CSMD1: variants seen among roughly 807,000 people sequenced by gnomAD.
CSMD1 encodes CUB and Sushi multiple domains 1, also known as CUB and sushi domain-containing protein 1.
CSMD1 carries 213 observed loss-of-function variants against 417.5 expected under a neutral mutation model. The ratio of observed to expected loss-of-function variants is 0.51; its 90% CI spans 0.46 to 0.57. The LOEUF is 0.57. CSMD1 is among the 20% of genes least tolerant of loss of function. The probability of loss-of-function intolerance (pLI) is 0.00; values close to 1 mark genes in which losing one functional copy is unlikely to be tolerated. For missense variants in CSMD1, 6,923 were observed against 4,529.7 expected (o/e 1.53, Z -15.17); for synonymous variants, 2,862 against 1,736.8 (o/e 1.65, Z -16.11).
intron 1 of CSMD1, among the ~76,000 whole-genome samples, chr8:4,946,624 T>C (rs903142576): frequency 6.6e-6 from 1 of 152,182 alleles, no homozygotes; most frequent in Non-Finnish European, 1.5e-5. Context: ...AGGTACTAAA[T>C]TTATGCCATA....
chr8:3,813,030 G>T (rs11784789), intron 5 of CSMD1, among the ~76,000 whole-genome samples: 1 of 151,196 alleles, frequency 6.6e-6, no homozygotes, highest in Admixed American at 6.6e-5. Context: ...TATTGTGACA[G>T]CATTTAAAAA....
At chr8:3,901,744 C>T (rs1312585326) in intron 5 of CSMD1, among the ~76,000 whole-genome samples, 3 of 152,188 alleles carry the variant, frequency 2.0e-5, no homozygotes, top group African/African-American at 7.2e-5. Flanking sequence ...AGGCTTAACG[C>T]TTTTCGATGT....
intron 3 of CSMD1, among the ~76,000 whole-genome samples, chr8:4,238,399 G>GATATA (rs1802193451): frequency 6.6e-6 from 1 of 152,128 alleles, no homozygotes; most frequent in African/African-American, 2.4e-5. Flanking sequence ...TCCGCCCTGA[G>GATATA]CACACATGGT....
At chr8:3,450,579 T>G (rs184817981) in intron 12 of CSMD1, among the ~76,000 whole-genome samples, 205 of 151,412 alleles carry the variant, frequency 1.4e-3, no homozygotes, top group African/African-American at 4.1e-3. Flanking sequence ...TTTTTTTGTC[T>G]TTGTGATAGT....
intron 2 of CSMD1, among the ~76,000 whole-genome samples, chr8:4,594,349 G>T (rs931122352): frequency 6.6e-6 from 1 of 151,714 alleles, no homozygotes; most frequent in Non-Finnish European, 1.5e-5. Context: ...GAATACAGGC[G>T]CCAGCATGCC....
At chr8:3,261,733 G>A (rs928039561) in intron 26 of CSMD1, among the ~76,000 whole-genome samples, 1 of 152,102 alleles carries the variant, frequency 6.6e-6, no homozygotes, top group Non-Finnish European at 1.5e-5. Context: ...GGTACTGAAT[G>A]AAGAGGCCAG....
intron 3 of CSMD1, among the ~76,000 whole-genome samples, chr8:4,122,805 T>C (rs1183753440): frequency 1.3e-5 from 2 of 152,134 alleles, no homozygotes; most frequent in Non-Finnish European, 2.9e-5. Context: ...AAAAAACAAA[T>C]GATTTAATCT....
At chr8:4,939,124 C>A (rs928078026) in intron 1 of CSMD1, among the ~76,000 whole-genome samples, 1 of 152,134 alleles carries the variant, frequency 6.6e-6, no homozygotes, top group East Asian at 1.9e-4. Flanking sequence ...TTTTGTTGTG[C>A]AGAAGCTTTT....
intron 3 of CSMD1, among the ~76,000 whole-genome samples, chr8:4,256,929 C>A (rs537297544): frequency 1.3e-5 from 2 of 152,298 alleles, no homozygotes; most frequent in South Asian, 4.1e-4. Flanking sequence ...TTTCCTTCCG[C>A]TTTCCCTCCG....
intron 23 of CSMD1, among the ~76,000 whole-genome samples, chr8:3,330,433 A>G (rs538915954): frequency 6.6e-6 from 1 of 152,336 alleles, no homozygotes; most frequent in African/African-American, 2.4e-5. Context: ...GAATGAGATC[A>G]TGTCTTTTGT....
intron 10 of CSMD1, among the ~76,000 whole-genome samples, chr8:3,550,884 C>G (rs1798880395): frequency 6.6e-6 from 1 of 152,192 alleles, no homozygotes; most frequent in African/African-American, 2.4e-5. Context: ...TTGCCAATCT[C>G]TGCTTCCACT....
chr8:4,325,663 T>C (rs566005023), intron 3 of CSMD1, among the ~76,000 whole-genome samples: 1 of 152,108 alleles, frequency 6.6e-6, no homozygotes, highest in East Asian at 1.9e-4. Flanking sequence ...ACAACCATCA[T>C]GCTCATCTCT....
chr8:4,096,024 C>CATGGGTATAA (rs1800988379), intron 3 of CSMD1, among the ~76,000 whole-genome samples: 3 of 151,368 alleles, frequency 2.0e-5, no homozygotes. Context: ...GATAATAATT[C>CATGGGTATAA]ATGGGTATAA....
chr8:4,015,649 C>A (rs1796485457), intron 4 of CSMD1, among the ~76,000 whole-genome samples: 3 of 94,824 alleles, frequency 3.2e-5, no homozygotes, highest in Admixed American at 1.2e-4. Context: ...AGATAAAAAT[C>A]AGTTTGAATC....
chr8:4,648,370 G>A (rs1356540704), intron 1 of CSMD1, among the ~76,000 whole-genome samples: 3 of 151,956 alleles, frequency 2.0e-5, no homozygotes, highest in East Asian at 3.9e-4. Flanking sequence ...TGTGATCTAC[G>A]GGATTGTCTG....
chr8:3,696,260 G>T (rs893325748), intron 7 of CSMD1, among the ~76,000 whole-genome samples: 1 of 152,178 alleles, frequency 6.6e-6, no homozygotes, highest in Non-Finnish European at 1.5e-5. Flanking sequence ...TGCTCTTCCT[G>T]CAAGTATTCT....
chr8:3,496,549 G>C (rs532346541), intron 10 of CSMD1, among the ~76,000 whole-genome samples: 6 of 152,216 alleles, frequency 3.9e-5, no homozygotes, highest in East Asian at 1.9e-4. Flanking sequence ...CATAGGTTTT[G>C]GTATGTTGTA....
chr8:4,096,207 C>G lies in CSMD1; in HGVS notation c.416-64108G>C, dbSNP rs139433348. 7.5e-3 allele frequency among the ~76,000 whole-genome samples: 1,147 copies of G among 152,172 alleles called. 4 individuals carry two copies. The highest frequency in any genetic ancestry group is 0.012 in the Non-Finnish European group (822 of 68,016). Reference sequence around the variant, plus strand: ...TCAAAATGGAACCACTGAGATGAAACTCTTAATAATTATAATAATAATAAA... The same window carrying G: ...TCAAAATGGAACCACTGAGATGAAAGTCTTAATAATTATAATAATAATAAA... On this transcript the variant is annotated intron_variant, in intron 3 of 69. Coordinates refer to ENST00000635120, the MANE Select transcript of CSMD1 (RefSeq NM_033225.6).
chr8:3,105,934 C>T (rs1209494063), intron 46 of CSMD1, among the ~76,000 whole-genome samples: 1 of 152,194 alleles, frequency 6.6e-6, no homozygotes, highest in African/African-American at 2.4e-5. Context: ...ATTATTTCAA[C>T]TTTGCCATGT....
Sources: gnomAD v4.1 joint callset for allele counts (sites outside exome capture counted in the v4.1 genomes callset) on GRCh38, gnomAD v4.1.1 for gene constraint, MANE v1.5 for transcripts, NCBI Gene and HGNC (gene_info 2026-07-23, HGNC 2026-07-21) for gene names.